ZFYVE9: variants seen among roughly 807,000 people sequenced by gnomAD.
The protein encoded by ZFYVE9 is zinc finger FYVE-type containing 9.
ZFYVE9 carries 43 observed loss-of-function variants against 126.7 expected under a neutral mutation model. The ratio of observed to expected loss-of-function variants is 0.34; its 90% CI spans 0.27 to 0.44. ZFYVE9 has a LOEUF of 0.44. Ranked by LOEUF, ZFYVE9 falls within the 20% of genes least tolerant of loss-of-function variation. ZFYVE9 has a pLI of 1.00. For missense variants in ZFYVE9, 1,476 were observed against 1,697.0 expected (o/e 0.87, Z 2.29); for synonymous variants, 521 against 597.4 (o/e 0.87, Z 1.87).
chr1:52,305,731 C>G (rs570641812), intron 13 of ZFYVE9, among the ~76,000 whole-genome samples: 1 of 152,124 alleles, frequency 6.6e-6, no homozygotes, highest in Non-Finnish European at 1.5e-5. Context: ...ACAGCTGTAG[C>G]TACCCGAGTT....
chr1:52,196,008 G>A (rs1218602077), intron 1 of ZFYVE9, among the ~76,000 whole-genome samples: 1 of 152,012 alleles, frequency 6.6e-6, no homozygotes, highest in African/African-American at 2.4e-5. Flanking sequence ...TGGCCAGGCT[G>A]GTCTCGAACT....
intron 13 of ZFYVE9, among the ~76,000 whole-genome samples, chr1:52,329,117 G>A (rs1384966187): frequency 6.6e-6 from 1 of 152,136 alleles, no homozygotes; most frequent in African/African-American, 2.4e-5. Context: ...TTGTTAAGAT[G>A]TCAATATTAA....
intron 1 of ZFYVE9, among the ~76,000 whole-genome samples, chr1:52,194,320 C>T (rs771912035): frequency 2.6e-5 from 4 of 151,966 alleles, no homozygotes; most frequent in African/African-American, 7.3e-5. Context: ...ATATGAAATA[C>T]AGAAGCCAAA....
intron 1 of ZFYVE9, among the ~76,000 whole-genome samples, chr1:52,151,063 A>C (rs1253446539): frequency 1.3e-5 from 2 of 150,976 alleles, no homozygotes; most frequent in Non-Finnish European, 2.9e-5. Context: ...ACTCATGGAA[A>C]TTTCTGCTCA....
rs1645305158 is a variant in ZFYVE9 at position 52,238,905 on chromosome 1, C to G, written c.1488C>G (p.Pro496=). ...TTTCTTTTGTTCCAAAGACTTTACC[C>G]TCCAAAGAAGATTCAGTAACAGAAG... ...PGVSFVPKTL[P]SKEDSVTEEK... The change falls in exon 4 of 19, where the codon CCC becomes CCG. Residue 496 remains proline, a synonymous_variant. Transcript: ENST00000287727. 6.2e-7 allele frequency: 1 copy of G among 1,613,864 alleles called. No individual in the cohort carries two copies.
In ZFYVE9 at chr1:52,261,214, TTTTC is replaced by T. The variant is rs1238793916; in HGVS notation, c.2179-2547_2179-2544del. 5.0e-3 allele frequency among the ~76,000 whole-genome samples: 758 copies of T among 151,512 alleles called. 4 individuals carry two copies. The highest frequency in any genetic ancestry group is 0.019 in the South Asian group (90 of 4,786). ...TTATATTCACTTGTATGGTTTTTCT[TTTTC>T]TTTCTTTCTTTTTTTTTTTTTTTTT... On this transcript the variant is annotated intron_variant, in intron 4 of 18. Coordinates refer to ENST00000287727, the MANE Select transcript of ZFYVE9 (RefSeq NM_004799.4).
chr1:52,245,433 A>G (rs1046456770), intron 4 of ZFYVE9, among the ~76,000 whole-genome samples: 5 of 152,064 alleles, frequency 3.3e-5, no homozygotes, highest in African/African-American at 1.2e-4. Flanking sequence ...ATGAGATACT[A>G]ATATTTATTG....
chr1:52,317,204 T>C (rs1198442704), intron 13 of ZFYVE9, among the ~76,000 whole-genome samples: 1 of 152,042 alleles, frequency 6.6e-6, no homozygotes, highest in East Asian at 1.9e-4. Flanking sequence ...TAGAGATAAA[T>C]TTATAGCATT....
intron 13 of ZFYVE9, among the ~76,000 whole-genome samples, chr1:52,304,515 G>A (rs1228981377): frequency 6.6e-6 from 1 of 151,896 alleles, no homozygotes; most frequent in Non-Finnish European, 1.5e-5. Flanking sequence ...CACCCACCTC[G>A]GCCTCCCAAA....
rs149854388 is a variant in ZFYVE9, at chr1:52,320,100, C to T, written c.3439-12668C>T. 7.2e-3 allele frequency among the ~76,000 whole-genome samples: 1,061 copies of T among 148,064 alleles called. 13 individuals carry two copies. The highest frequency in any genetic ancestry group is 0.025 in the African/African-American group (1,004 of 40,386). On this transcript the variant is annotated intron_variant, in intron 13 of 18. Transcript: ENST00000287727. Reference sequence around the variant, plus strand: ...ACCTTTATTTTTTTTGACAGAGGTTCGCTCTTGTTGCCCAGGCTGGAGTGC... The same window carrying T: ...ACCTTTATTTTTTTTGACAGAGGTTTGCTCTTGTTGCCCAGGCTGGAGTGC...
chr1:52,292,571 G>A (rs2762832), intron 10 of ZFYVE9, among the ~76,000 whole-genome samples: 27,471 of 148,446 alleles, frequency 0.19, 4,676 homozygotes, highest in African/African-American at 0.46. Flanking sequence ...TCCCAGGTTC[G>A]AGCAATTCTC....
intron 13 of ZFYVE9, among the ~76,000 whole-genome samples, chr1:52,331,963 G>A (rs905825457): frequency 6.6e-6 from 1 of 151,248 alleles, no homozygotes; most frequent in Non-Finnish European, 1.5e-5. Flanking sequence ...TTTATTTTTA[G>A]TAGAGACGGG....
chr1:52,342,949 C>G (rs1468743812), intron 17 of ZFYVE9, among the ~76,000 whole-genome samples: 2 of 151,804 alleles, frequency 1.3e-5, no homozygotes, highest in Admixed American at 6.6e-5. Flanking sequence ...CTCTGTCACC[C>G]AGGCTGGAGT....
intron 8 of ZFYVE9, among the ~76,000 whole-genome samples, chr1:52,277,441 C>G (rs1032104511): frequency 1.3e-5 from 2 of 152,128 alleles, no homozygotes; most frequent in Admixed American, 6.5e-5. Context: ...ATCTATATTA[C>G]TTAAACTATA....
At chr1:52,344,071 CAAAAA>C (rs112122608) in intron 17 of ZFYVE9, among the ~76,000 whole-genome samples, 1 of 89,900 alleles carries the variant, frequency 1.1e-5, no homozygotes, top group Non-Finnish European at 2.5e-5. Context: ...ACTTTGTTTC[CAAAAA>C]AAAAAAAAAA....
At chr1:52,257,376 G>T (rs1199861023) in intron 4 of ZFYVE9, among the ~76,000 whole-genome samples, 1 of 152,088 alleles carries the variant, frequency 6.6e-6, no homozygotes, top group African/African-American at 2.4e-5. Context: ...TCTGACTAGA[G>T]AATAATCAAG....
At chr1:52,254,593 TAAAAC>T (rs1288108718) in intron 4 of ZFYVE9, among the ~76,000 whole-genome samples, 2 of 152,112 alleles carry the variant, frequency 1.3e-5, no homozygotes, top group Admixed American at 6.5e-5. Context: ...AAATAATTCT[TAAAAC>T]AAGTGCAGTA....
At chr1:52,343,277 C>G (rs1374328243) in intron 17 of ZFYVE9, among the ~76,000 whole-genome samples, 1 of 151,796 alleles carries the variant, frequency 6.6e-6, no homozygotes, top group Non-Finnish European at 1.5e-5. Context: ...GAAACCCCAT[C>G]TCTACTAAAA....
At chr1:52,172,182 A>G (rs897437012) in intron 1 of ZFYVE9, among the ~76,000 whole-genome samples, 8 of 152,170 alleles carry the variant, frequency 5.3e-5, no homozygotes, top group Non-Finnish European at 8.8e-5. Context: ...TTTTTATAAG[A>G]TGTAAGGAAG....
Sources: gnomAD v4.1 joint callset for allele counts (sites outside exome capture counted in the v4.1 genomes callset) on GRCh38, gnomAD v4.1.1 for gene constraint, MANE v1.5 for transcripts, NCBI Gene and HGNC (gene_info 2026-07-23, HGNC 2026-07-21) for gene names.